Variants in ZNF362 observed in about 807,000 individuals in gnomAD.
ZNF362 encodes zinc finger protein 362, also known as rotund homolog.
In ZNF362, 11 loss-of-function variants were observed where a neutral mutation model predicts 42.9. That is an observed-to-expected ratio of 0.26 (90% CI 0.16 to 0.42). ZNF362 has a LOEUF of 0.42. Ranked by LOEUF, ZNF362 falls within the 20% of genes least tolerant of loss-of-function variation. The pLI is 1.00. For synonymous variants in ZNF362, 255 were observed against 257.3 expected, an observed-to-expected ratio of 0.99 and a Z score of 0.09; for missense variants, 362 against 576.2, an observed-to-expected ratio of 0.63 and a Z score of 3.81.
intron 4 of ZNF362, among the ~76,000 whole-genome samples, chr1:33,276,847 G>A (rs918772803): frequency 1.3e-5 from 2 of 152,256 alleles, no homozygotes; most frequent in Non-Finnish European, 2.9e-5. Context: ...GCCCCATGGG[G>A]CTCACCAGGA....
At chr1:33,253,431 G>A (rs762020157), upstream of ZNF362, among the ~76,000 whole-genome samples, 24 of 151,368 alleles carry the variant, frequency 1.6e-4, no homozygotes, top group East Asian at 1.2e-3. Flanking sequence ...AAGGTGAGGC[G>A]AAAGGGCAAG....
the ZNF362 span, chr1:33,176,399 C>A: frequency 1.4e-6 from 1 of 695,376 alleles, no homozygotes; most frequent in Non-Finnish European, 2.6e-6. Flanking sequence ...ATCACCATAC[C>A]CTGCCTACCA....
the ZNF362 span, among the ~76,000 whole-genome samples, chr1:33,231,254 A>G: frequency 6.6e-6 from 1 of 152,204 alleles, no homozygotes; most frequent in Non-Finnish European, 1.5e-5. Context: ...TCACACACGT[A>G]TAGTCTAGCT....
chr1:33,139,937 A>G, the ZNF362 span, among the ~76,000 whole-genome samples: 1 of 151,896 alleles, frequency 6.6e-6, no homozygotes, highest in Admixed American at 6.6e-5. Context: ...ACCATCAGCT[A>G]CTCTTCCGGG....
At chr1:33,219,459 C>T in the ZNF362 span, among the ~76,000 whole-genome samples, 1 of 152,166 alleles carries the variant, frequency 6.6e-6, no homozygotes, top group African/African-American at 2.4e-5. Flanking sequence ...AGGGAGATTG[C>T]AGGGCAGGAG....
At chr1:33,194,033 G>A in the ZNF362 span, among the ~76,000 whole-genome samples, 9 of 152,118 alleles carry the variant, frequency 5.9e-5, no homozygotes, top group South Asian at 8.3e-4. Context: ...ATTAGGAATC[G>A]AAGACATAAG....
At chr1:33,264,971 CAAAA>C (rs1473877897) in intron 1 of ZNF362, among the ~76,000 whole-genome samples, 1 of 151,956 alleles carries the variant, frequency 6.6e-6, no homozygotes, top group African/African-American at 2.4e-5. Context: ...TGTTATATTT[CAAAA>C]CACTCACAGC....
the ZNF362 span, among the ~76,000 whole-genome samples, chr1:33,131,663 C>A: frequency 1.3e-5 from 2 of 151,776 alleles, no homozygotes; most frequent in African/African-American, 4.8e-5. Context: ...TAATTTCACA[C>A]ATTTCTTTTT....
At chr1:33,262,297 C>CTTTTTTT (rs55730909) in intron 1 of ZNF362, among the ~76,000 whole-genome samples, 1 of 48,150 alleles carries the variant, frequency 2.1e-5, no homozygotes, top group Non-Finnish European at 3.6e-5. Context: ...CTTTAGGATT[C>CTTTTTTT]TTTTTTTTTT....
Position 33,281,537 on chromosome 1 carries a change from A to T in ZNF362, c.684-50A>T. On this transcript the variant is annotated intron_variant, in intron 5 of 8. Transcript: ENST00000539719. The surrounding 1 kb of genome is among the most constrained non-coding windows in gnomAD (Gnocchi z 4.8). ...TCTGATGTAGAAGGCCTCCCCTGAG[A>T]TGGACAGTCTGGGGGATCTTCCCAC... 6.3e-7 allele frequency: 1 copy of T among 1,587,840 alleles called. No individual in the cohort carries two copies. Among genetic ancestry groups the T allele is most frequent in the Admixed American group, 1.7e-5 (1 of 59,812 alleles).
At chr1:33,277,745 G>A (rs923609076) in intron 4 of ZNF362, among the ~76,000 whole-genome samples, 2 of 152,210 alleles carry the variant, frequency 1.3e-5, no homozygotes, top group Non-Finnish European at 2.9e-5. Context: ...CCGCCCTTGT[G>A]ATGGAATCCC....
the ZNF362 span, chr1:33,146,985 C>G: frequency 1.6e-6 from 1 of 625,208 alleles, no homozygotes; most frequent in Non-Finnish European, 2.8e-6. Flanking sequence ...AGCTACAGAA[C>G]ATCGATGCTG....
At chr1:33,209,711 A>T in the ZNF362 span, among the ~76,000 whole-genome samples, 1 of 152,190 alleles carries the variant, frequency 6.6e-6, no homozygotes, top group Non-Finnish European at 1.5e-5. Context: ...TTATTTGCAT[A>T]GAGGTGTTTA....
chr1:33,147,542 C>T, the ZNF362 span: 1 of 1,614,040 alleles, frequency 6.2e-7, no homozygotes, highest in Non-Finnish European at 8.5e-7. This position sits in a 1 kb window ranked among gnomAD's most constrained non-coding sequence, Gnocchi z 8.1. Context: ...GCCACCACCA[C>T]CTCCCAGTAG....
the ZNF362 span, among the ~76,000 whole-genome samples, chr1:33,196,927 T>G: frequency 6.6e-6 from 1 of 152,200 alleles, no homozygotes; most frequent in South Asian, 2.1e-4. Context: ...GTGAGTATGT[T>G]GCCAGAGATT....
At chr1:33,150,660 C>A in the ZNF362 span, among the ~76,000 whole-genome samples, 1 of 152,180 alleles carries the variant, frequency 6.6e-6, no homozygotes, top group African/African-American at 2.4e-5. Context: ...TCTGACTGGC[C>A]ACAGGCAGCT....
At position 33,281,080 on chromosome 1, in the gene ZNF362, A is replaced by G. The variant is rs1281337828; in HGVS notation, c.684-507A>G. Among the ~76,000 whole-genome samples, 3 of 151,898 alleles carry G rather than the reference A, an allele frequency of 2.0e-5. No homozygotes were observed. The highest frequency in any genetic ancestry group is 7.3e-5 in the African/African-American group (3 of 41,344). On this transcript the variant is annotated intron_variant, in intron 5 of 8. Transcript: ENST00000539719. The surrounding 1 kb of genome is among the most constrained non-coding windows in gnomAD (Gnocchi z 4.8). ...TGAGACTCTGTCTCAAACAACAACA[A>G]CAACAACAACAACAATTTTAAAGAA...
At chr1:33,268,097 T>C (rs1402830447) in intron 1 of ZNF362, among the ~76,000 whole-genome samples, 1 of 152,266 alleles carries the variant, frequency 6.6e-6, no homozygotes, top group Non-Finnish European at 1.5e-5. Flanking sequence ...AGCAGAACCA[T>C]TTTCTGTGTT....
chr1:33,143,781 G>A, the ZNF362 span, among the ~76,000 whole-genome samples: 3 of 152,210 alleles, frequency 2.0e-5, no homozygotes, highest in African/African-American at 4.8e-5. Flanking sequence ...CAGGGGTGCT[G>A]TACTCCCTTG....
Sources: allele counts gnomAD v4.1 joint callset (sites outside exome capture counted in the v4.1 genomes callset), GRCh38; gene constraint gnomAD v4.1.1; non-coding constraint Gnocchi (gnomAD v3.1); transcripts MANE v1.5; gene names NCBI Gene and HGNC (gene_info 2026-07-23, HGNC 2026-07-21).